Variants in LRRTM4 observed in about 807,000 individuals in gnomAD.
LRRTM4 encodes leucine-rich repeat transmembrane neuronal protein 4.
Under a neutral mutation model 47.6 loss-of-function variants are expected in LRRTM4, and 25 were observed. The observed-to-expected ratio is 0.53, with a 90% confidence interval of 0.38 to 0.73. The LOEUF (loss-of-function observed/expected upper bound fraction) is 0.73. LRRTM4 is among the 30% of genes least tolerant of loss of function. The pLI is 0.00. For synonymous variants in LRRTM4, 311 were observed against 269.5 expected (o/e 1.15, Z -1.51); for missense variants, 638 against 713.4 (o/e 0.89, Z 1.20).
intron 3 of LRRTM4, among the ~76,000 whole-genome samples, chr2:77,086,776 T>G (rs894497240): frequency 1.3e-5 from 2 of 152,144 alleles, no homozygotes; most frequent in Non-Finnish European, 2.9e-5. Flanking sequence ...ATTACAGGTG[T>G]GAGCCACTGA....
intron 3 of LRRTM4, among the ~76,000 whole-genome samples, chr2:77,218,470 C>G (rs1404078782): frequency 6.6e-6 from 1 of 151,882 alleles, no homozygotes; most frequent in African/African-American, 2.4e-5. Flanking sequence ...TCCCATCTCT[C>G]TTAATGCCAT....
In LRRTM4 at chr2:76,761,883, T is replaced by C. The variant is rs947348908; in HGVS notation, c.1552-12967A>G. On this transcript the variant is annotated intron_variant, in intron 3 of 3. Transcript: ENST00000409884. ...TTTAAAGCAACCTGATGCTCAAATA[T>C]TAATATGTAGGGGGACTACAAAAGG... Among the ~76,000 whole-genome samples the C allele has an allele frequency of 3.9e-5, 6 of 152,166 alleles. No homozygotes were observed. The East Asian group carries it at 1.2e-3, about 29-fold the overall frequency.
chr2:76,810,766 G>C (rs1670708025), intron 3 of LRRTM4, among the ~76,000 whole-genome samples: 1 of 152,040 alleles, frequency 6.6e-6, no homozygotes, highest in Admixed American at 6.6e-5. Flanking sequence ...TTAATGAAAA[G>C]GTGCTTTGAA....
chr2:76,903,924 T>G (rs1673731061), intron 3 of LRRTM4, among the ~76,000 whole-genome samples: 1 of 152,234 alleles, frequency 6.6e-6, no homozygotes. Context: ...TTAAGTGTTT[T>G]AGAAATTAAA....
In LRRTM4 at chr2:77,373,086, A is replaced by ATAT. The variant is rs1553435858; in HGVS notation, c.1551+145231_1551+145232insATA. On this transcript the variant is annotated intron_variant, in intron 3 of 3. Transcript: ENST00000409884. Reference sequence around the variant, plus strand: ...CAAAAGCAAACCAACAATTAAAAAAAAAATATATATATATATATATATACG... The same window carrying ATAT: ...CAAAAGCAAACCAACAATTAAAAAAATATAAATATATATATATATATATATACG... Among the ~76,000 whole-genome samples, 296 of 130,108 alleles carry ATAT rather than the reference A, an allele frequency of 2.3e-3. 1 individual carries two copies. The highest frequency in any genetic ancestry group is 8.0e-3 in the African/African-American group (275 of 34,256). 85.4% of individuals were successfully genotyped at this position (130,108 alleles called of 152,430 possible).
intron 3 of LRRTM4, among the ~76,000 whole-genome samples, chr2:76,803,634 TA>T (rs1402051624): frequency 1.3e-5 from 2 of 152,112 alleles, no homozygotes; most frequent in African/African-American, 4.8e-5. Context: ...AAAAGCTTTT[TA>T]AAGAGTAATT....
At chr2:77,097,951 A>C (rs1462404311) in intron 3 of LRRTM4, among the ~76,000 whole-genome samples, 1 of 151,984 alleles carries the variant, frequency 6.6e-6, no homozygotes, top group Non-Finnish European at 1.5e-5. Context: ...TATGAGAATA[A>C]AAAGATAAAA....
chr2:76,989,326 G>C (rs964747721), intron 3 of LRRTM4, among the ~76,000 whole-genome samples: 6 of 151,788 alleles, frequency 4.0e-5, no homozygotes, highest in African/African-American at 1.2e-4. Flanking sequence ...ACATGCATTA[G>C]TGGTCTGTAA....
chr2:77,063,696 T>A (rs1228131410), intron 3 of LRRTM4, among the ~76,000 whole-genome samples: 2 of 152,218 alleles, frequency 1.3e-5, no homozygotes, highest in East Asian at 3.8e-4. Flanking sequence ...AATTGGCCAT[T>A]ATTTTTGGTC....
At chr2:77,316,601 T>G (rs1257129123) in intron 3 of LRRTM4, among the ~76,000 whole-genome samples, 4 of 151,758 alleles carry the variant, frequency 2.6e-5, no homozygotes, top group Non-Finnish European at 5.9e-5. Flanking sequence ...CAGGCTGGAG[T>G]GCAGTGCGTA....
rs567940370 is a variant in LRRTM4 at position 77,318,164 on chromosome 2, G to A, written c.1551+200154C>T. 1.3e-4 allele frequency among the ~76,000 whole-genome samples: 19 copies of A among 151,530 alleles called. No homozygotes were observed. In the Middle Eastern group the frequency reaches 0.014, roughly 110 times the overall value. ...TGGGACTACAGGCGCCCGCCACCAC[G>A]CCCCGCTAATTTTTTGTATTTTTAG... On this transcript the variant is annotated intron_variant, in intron 3 of 3. Coordinates refer to ENST00000409884, the MANE Select transcript of LRRTM4 (RefSeq NM_001134745.3).
At chr2:77,067,826 T>C (rs1573524404) in intron 3 of LRRTM4, among the ~76,000 whole-genome samples, 1 of 152,034 alleles carries the variant, frequency 6.6e-6, no homozygotes, top group African/African-American at 2.4e-5. Flanking sequence ...AGTCTCTTAG[T>C]GGATGTAGTC....
rs541890009 is a variant in LRRTM4 at position 77,377,975 on chromosome 2, T to A, written c.1551+140343A>T. On this transcript the variant is annotated intron_variant, in intron 3 of 3. Transcript: ENST00000409884. ...TTAATGTCTGTATTCCTGTCAAAAT[T>A]GTACATCTTTTAAAAATACTTTGGT... Among the ~76,000 whole-genome samples the A allele has an allele frequency of 3.6e-4, 55 of 152,142 alleles. No individual in the cohort carries two copies. In the Middle Eastern group the frequency reaches 0.017, roughly 48 times the overall value.
chr2:77,092,823 G>C (rs1480182002), intron 3 of LRRTM4, among the ~76,000 whole-genome samples: 1 of 141,992 alleles, frequency 7.0e-6, no homozygotes, highest in Non-Finnish European at 1.5e-5. Context: ...CAGTTTTTCA[G>C]GCTCTTAGTA....
intron 3 of LRRTM4, among the ~76,000 whole-genome samples, chr2:77,461,133 C>T (rs1298781120): frequency 1.9e-5 from 2 of 106,568 alleles, no homozygotes; most frequent in South Asian, 4.4e-4. Context: ...CATTTACATA[C>T]ACAGTGAGAG....
At chr2:76,989,697 A>T (rs962483061) in intron 3 of LRRTM4, 2 of 141,828 alleles carry the variant, frequency 1.4e-5, no homozygotes, top group African/African-American at 5.4e-5. Flanking sequence ...GTTACATTTA[A>T]AAAATCTATA....
chr2:77,308,497 T>C (rs919234203), intron 3 of LRRTM4, among the ~76,000 whole-genome samples: 1 of 152,178 alleles, frequency 6.6e-6, no homozygotes, highest in Non-Finnish European at 1.5e-5. Flanking sequence ...ATATTTTCTT[T>C]CCTCATGTGA....
chr2:76,809,923 T>C (rs1670682756), intron 3 of LRRTM4, among the ~76,000 whole-genome samples: 1 of 152,174 alleles, frequency 6.6e-6, no homozygotes, highest in African/African-American at 2.4e-5. Context: ...CTTTATACAG[T>C]TCCTATTCAA....
At chr2:76,886,625 A>C (rs1673083656) in intron 3 of LRRTM4, among the ~76,000 whole-genome samples, 1 of 152,134 alleles carries the variant, frequency 6.6e-6, no homozygotes, top group Non-Finnish European at 1.5e-5. Flanking sequence ...AGACTTAATA[A>C]GAGCATTTGT....
Sources: allele counts gnomAD v4.1 joint callset (sites outside exome capture counted in the v4.1 genomes callset), GRCh38; gene constraint gnomAD v4.1.1; transcripts MANE v1.5; gene names NCBI Gene and HGNC (gene_info 2026-07-23, HGNC 2026-07-21).